WRN: variants seen among roughly 807,000 people sequenced by gnomAD.
The protein encoded by WRN is bifunctional 3'-5' exonuclease/ATP-dependent helicase WRN.
In WRN, 149 loss-of-function variants were observed where a neutral mutation model predicts 180.7. The ratio of observed to expected loss-of-function variants is 0.82; its 90% CI spans 0.72 to 0.94. The LOEUF (loss-of-function observed/expected upper bound fraction) is 0.94, where lower values mean the gene tolerates loss of function less well. Ranked by LOEUF, WRN falls within the 40% of genes least tolerant of loss-of-function variation. WRN has a pLI of 0.00. For missense variants in WRN, 1,661 were observed against 1,700.1 expected (o/e 0.98, Z 0.40); for synonymous variants, 548 against 568.9 (o/e 0.96, Z 0.52).
intron 18 of WRN, among the ~76,000 whole-genome samples, chr8:31,103,123 C>T (rs1241186958): frequency 6.6e-6 from 1 of 152,174 alleles, no homozygotes; most frequent in Non-Finnish European, 1.5e-5. Flanking sequence ...TCTTATCCCA[C>T]TGGAAGTTCT....
chr8:31,064,990 A>G lies in WRN; in HGVS notation c.431A>G (p.Gln144Arg), dbSNP rs771444804. ...KKAGVGIEGDQWKLLRDFDIK... is the reference protein window; with the variant it reads ...KKAGVGIEGDRWKLLRDFDIK... ...GCAGGTGTAGGAATTGAAGGAGATC[A>G]GTGGAAACTTCTACGTGACTTTGAT... The change falls in exon 5 of 35, where the codon CAG becomes CGG. Residue 144 changes from glutamine (Q) to arginine (R), a missense_variant. Transcript: ENST00000298139. 4 of 1,613,762 alleles carry G rather than the reference A, an allele frequency of 2.5e-6. No individual in the cohort carries two copies. The highest frequency in any genetic ancestry group is 2.2e-5 in the East Asian group (1 of 44,762).
At chr8:31,089,927 C>T (rs929844163) in intron 13 of WRN, among the ~76,000 whole-genome samples, 1 of 151,960 alleles carries the variant, frequency 6.6e-6, no homozygotes, top group African/African-American at 2.4e-5. Context: ...CACCATTACA[C>T]TTCCACCTAA....
At chr8:31,131,087 G>A (rs1273390115) in intron 23 of WRN, among the ~76,000 whole-genome samples, 3 of 151,796 alleles carry the variant, frequency 2.0e-5, no homozygotes, top group Non-Finnish European at 4.4e-5. Flanking sequence ...TGCAGTAAAA[G>A]AGTAGGAAGG....
intron 33 of WRN, among the ~76,000 whole-genome samples, chr8:31,165,115 T>C (rs562996742): frequency 2.6e-5 from 4 of 152,114 alleles, no homozygotes; most frequent in Non-Finnish European, 5.9e-5. Flanking sequence ...GACATTCTAA[T>C]TTTAGAAATA....
chr8:31,103,416 C>T (rs531681405), intron 18 of WRN, among the ~76,000 whole-genome samples: 13 of 152,312 alleles, frequency 8.5e-5, no homozygotes, highest in African/African-American at 2.6e-4. Context: ...TCACCACAAA[C>T]GTGAGCAGTG....
At chr8:31,159,950 A>G (rs1277713919) in intron 33 of WRN, among the ~76,000 whole-genome samples, 1 of 151,312 alleles carries the variant, frequency 6.6e-6, no homozygotes, top group Non-Finnish European at 1.5e-5. Flanking sequence ...GTCTCAAAAA[A>G]AAAAAAAAAA....
Position 31,058,546 on chromosome 8 carries a change from A to G in WRN, c.96+3A>G, listed in dbSNP as rs1812363250. On this transcript the variant is annotated splice_donor_region_variant and intron_variant, in intron 2 of 34. Coordinates refer to ENST00000298139, the MANE Select transcript of WRN (RefSeq NM_000553.6). ...GATGTGCTGTAGAAGAAAGAAAGGT[A>G]TGTTGTTCATTGACTATTCTTTTGG... is the stretch of plus-strand genomic sequence containing the variant. 6.2e-7 allele frequency: 1 copy of G among 1,613,006 alleles called. No individual in the cohort carries two copies. The highest frequency in any genetic ancestry group is 8.5e-7 in the Non-Finnish European group (1 of 1,179,234).
chr8:31,150,507 C>T (rs777733824), intron 31 of WRN, 52 bp downstream of exon 31: 9 of 1,532,524 alleles, frequency 5.9e-6, no homozygotes, highest in Non-Finnish European at 7.2e-6. Context: ...TTTTTTGTAA[C>T]CATTTCAAAA....
chr8:31,049,796 A>G (rs1173582110), intron 1 of WRN, among the ~76,000 whole-genome samples: 1 of 152,174 alleles, frequency 6.6e-6, no homozygotes, highest in African/African-American at 2.4e-5. Flanking sequence ...GAGGTATAAT[A>G]GAAGTAAAAG....
At chr8:31,045,440 T>C (rs1055075036) in intron 1 of WRN, among the ~76,000 whole-genome samples, 1 of 151,868 alleles carries the variant, frequency 6.6e-6, no homozygotes, top group African/African-American at 2.4e-5. Context: ...CTCGTTCTTA[T>C]TGCCCAGGCT....
At chr8:31,060,876 C>T (rs1397864314) in intron 3 of WRN, among the ~76,000 whole-genome samples, 3 of 152,170 alleles carry the variant, frequency 2.0e-5, no homozygotes, top group Admixed American at 6.5e-5. Flanking sequence ...GCTTTCCCCT[C>T]CTCTGGACAC....
intron 10 of WRN, among the ~76,000 whole-genome samples, chr8:31,084,612 A>G (rs977717707): frequency 3.3e-5 from 5 of 152,254 alleles, no homozygotes; most frequent in African/African-American, 1.2e-4. Flanking sequence ...AGATTGCCAA[A>G]TTATTGAAAA....
At chr8:31,078,951 CT>C (rs1813200000) in intron 8 of WRN, among the ~76,000 whole-genome samples, 1 of 152,208 alleles carries the variant, frequency 6.6e-6, no homozygotes. Context: ...ATCTGTGCCA[CT>C]GTTGCTGTGT....
rs997179207 is a variant in WRN, at chr8:31,175,226, G to A, written c.*2124G>A. 1.3e-5 allele frequency among the ~76,000 whole-genome samples: 2 copies of A among 152,200 alleles called. No homozygotes were observed. Among genetic ancestry groups the A allele is most frequent in the East Asian group, 3.9e-4 (2 of 5,146 alleles). Reference sequence around the variant, plus strand: ...CCGAGGCGGGCGGATCACGAGATCAGGAGATCGAGACCACCCTGGCCAACA... The same window carrying A: ...CCGAGGCGGGCGGATCACGAGATCAAGAGATCGAGACCACCCTGGCCAACA... On this transcript the variant is annotated 3_prime_UTR_variant, in exon 35 of 35. Coordinates refer to ENST00000298139, the MANE Select transcript of WRN (RefSeq NM_000553.6).
intron 34 of WRN, among the ~76,000 whole-genome samples, chr8:31,170,784 A>G (rs1417564110): frequency 6.6e-6 from 1 of 152,222 alleles, no homozygotes; most frequent in Non-Finnish European, 1.5e-5. Flanking sequence ...CTTAGATATC[A>G]TACTGAAGAC....
At chr8:31,084,417 T>A (rs1186742104) in intron 10 of WRN, among the ~76,000 whole-genome samples, 13 of 152,256 alleles carry the variant, frequency 8.5e-5, no homozygotes, top group African/African-American at 1.7e-4. Context: ...AACTTTTTTT[T>A]AAAAAAAGAA....
intron 1 of WRN, among the ~76,000 whole-genome samples, chr8:31,055,380 C>T (rs1812229855): frequency 6.6e-6 from 1 of 152,142 alleles, no homozygotes; most frequent in Non-Finnish European, 1.5e-5. Flanking sequence ...AAAAGCATTC[C>T]TATTTCTCCA....
chr8:31,085,053 T>C (rs1813473681), intron 10 of WRN, 113 bp from the exon 11 acceptor site: 1 of 815,544 alleles, frequency 1.2e-6, no homozygotes, highest in Non-Finnish European at 2.0e-6. Flanking sequence ...ATATATCCAT[T>C]AGGGAAGAGG....
chr8:31,088,518 C>A (rs747718665), intron 12 of WRN, among the ~76,000 whole-genome samples: 30 of 151,814 alleles, frequency 2.0e-4, no homozygotes, highest in Admixed American at 2.0e-4. Flanking sequence ...TTTTTTAGTG[C>A]GGGACTAATG....
Sources: allele counts gnomAD v4.1 joint callset (sites outside exome capture counted in the v4.1 genomes callset), GRCh38; gene constraint gnomAD v4.1.1; transcripts MANE v1.5; gene names NCBI Gene and HGNC (gene_info 2026-07-23, HGNC 2026-07-21).